The following KRT8 variants were observed in gnomAD, a reference collection of about 807,000 sequenced individuals.
The protein encoded by KRT8 is keratin 8, also known as keratin, type II cytoskeletal 8.
Under a neutral mutation model 43.0 loss-of-function variants are expected in KRT8, and 24 were observed. That is an observed-to-expected ratio of 0.56 (90% CI 0.40 to 0.78). KRT8 has a LOEUF of 0.78. KRT8 is among the 30% of genes least tolerant of loss of function. The pLI is 0.00. For missense variants in KRT8, 492 were observed against 638.4 expected (o/e 0.77, Z 2.47); for synonymous variants, 214 against 261.2 (o/e 0.82, Z 1.74).
At chr12:52,902,303 G>A in intron 1 of KRT8, 1 of 567,394 alleles carries the variant, frequency 1.8e-6, no homozygotes, top group Admixed American at 3.0e-5. Flanking sequence ...AAGGAGACAG[G>A]TAAGGTAATT....
At chr12:52,941,768 G>A (rs559316185) in intron 2 of KRT8, among the ~76,000 whole-genome samples, 32 of 152,174 alleles carry the variant, frequency 2.1e-4, no homozygotes, top group Non-Finnish European at 4.1e-4. Flanking sequence ...GATTACAGGT[G>A]TGAGCCACCG....
chr12:52,926,367 T>A, intron 2 of KRT8: 1 of 648,556 alleles, frequency 1.5e-6, no homozygotes, highest in Non-Finnish European at 2.3e-6. Context: ...TGTGCCCTCC[T>A]CTCCTGAAGC....
At chr12:52,933,199 G>A (rs1452531935) in intron 2 of KRT8, among the ~76,000 whole-genome samples, 1 of 152,128 alleles carries the variant, frequency 6.6e-6, no homozygotes, top group African/African-American at 2.4e-5. Context: ...GCCCACCTCA[G>A]CCTCCCAGAG....
intron 2 of KRT8, among the ~76,000 whole-genome samples, chr12:52,934,739 T>TAGGC (rs1565731649): frequency 6.6e-6 from 1 of 150,442 alleles, no homozygotes; most frequent in Non-Finnish European, 1.5e-5. Flanking sequence ...GAAGCCAAGG[T>TAGGC]AGGCAGATCA....
chr12:52,939,224 G>C (rs1942227956), intron 2 of KRT8, among the ~76,000 whole-genome samples: 1 of 152,132 alleles, frequency 6.6e-6, no homozygotes, highest in African/African-American at 2.4e-5. Context: ...GAATAAACTT[G>C]GCCAGGCATG....
Position 52,897,391 on chromosome 12 carries a change from G to A in KRT8, c.*37C>T, listed in dbSNP as rs377432334. 154 of 1,563,236 alleles carry A rather than the reference G, an allele frequency of 9.9e-5. 2 individuals carry two copies. The highest frequency in any genetic ancestry group is 9.3e-4 in the South Asian group (84 of 90,352). On this transcript the variant is annotated 3_prime_UTR_variant, in exon 8 of 8. Transcript: ENST00000692008. ...CCTCCTTCCCAGGCTCTGGGGCAGC[G>A]CAGGAGGGGTAGGCTGGGAGGGGCT...
upstream of KRT8, chr12:52,906,726 C>A (rs568405628): frequency 4.4e-6 from 2 of 455,886 alleles, no homozygotes; most frequent in Admixed American, 2.3e-5. Context: ...CTCAGAGGAC[C>A]AACAGATGAC....
At chr12:52,917,739 C>T (rs925109293) in intron 2 of KRT8, among the ~76,000 whole-genome samples, 34 of 146,270 alleles carry the variant, frequency 2.3e-4, no homozygotes, top group East Asian at 4.1e-4. Flanking sequence ...ATTCGCCAGG[C>T]GTTGTGGCAG....
At chr12:52,927,610 C>G (rs897366177) in intron 2 of KRT8, among the ~76,000 whole-genome samples, 4 of 152,232 alleles carry the variant, frequency 2.6e-5, no homozygotes, top group Admixed American at 2.0e-4. Flanking sequence ...CCACACCATG[C>G]CAGCCAGGCC....
intron 2 of KRT8, chr12:52,949,184 C>G (rs76301931): frequency 8.0e-7 from 1 of 1,248,582 alleles, no homozygotes; most frequent in South Asian, 1.3e-5. Context: ...ATGAGCTTCA[C>G]CACTCGCTCC....
chr12:52,904,362 G>C (rs1165225377), intron 1 of KRT8, among the ~76,000 whole-genome samples: 7 of 152,178 alleles, frequency 4.6e-5, no homozygotes, highest in African/African-American at 1.7e-4. Flanking sequence ...TGTAGAGAGG[G>C]GTGGTGGGAA....
At chr12:52,930,266 G>A (rs537512961) in intron 2 of KRT8, among the ~76,000 whole-genome samples, 50 of 151,576 alleles carry the variant, frequency 3.3e-4, no homozygotes, top group Non-Finnish European at 6.0e-4. Context: ...TGCCCAGGCT[G>A]GAGTGCAATA....
intron 4 of KRT8, 144 bp from the exon 5 acceptor site, chr12:52,900,209 T>C (rs956290565): frequency 5.2e-6 from 4 of 774,792 alleles, no homozygotes; most frequent in Non-Finnish European, 8.2e-6. Flanking sequence ...AGGGCAAAGT[T>C]CCTGAAAAAG....
upstream of KRT8, among the ~76,000 whole-genome samples, chr12:52,905,723 A>G (rs577049054): frequency 0.018 from 2,608 of 142,586 alleles, 50 homozygotes; most frequent in African/African-American, 0.049. Flanking sequence ...TCACACGCGC[A>G]CACACACACA....
intron 2 of KRT8, among the ~76,000 whole-genome samples, chr12:52,940,710 C>T (rs1286928337): frequency 6.6e-6 from 1 of 150,964 alleles, no homozygotes; most frequent in Non-Finnish European, 1.5e-5. Context: ...ACTGCAACCT[C>T]CTCCTCCCAG....
chr12:52,935,304 A>G (rs141785230), intron 2 of KRT8, among the ~76,000 whole-genome samples: 3,674 of 143,086 alleles, frequency 0.026, 68 homozygotes, highest in Non-Finnish European at 0.034. Flanking sequence ...GCTTGAACCC[A>G]GGAGGCATAG....
chr12:52,947,207 G>A (rs934678457), intron 2 of KRT8: 1 of 152,286 alleles, frequency 6.6e-6, no homozygotes, highest in East Asian at 1.9e-4. Context: ...TTCAGCTTCA[G>A]GGGGCAGGCA....
chr12:52,943,626 C>T (rs1450762110), intron 2 of KRT8, among the ~76,000 whole-genome samples: 3 of 152,224 alleles, frequency 2.0e-5, no homozygotes, highest in Admixed American at 6.5e-5. Flanking sequence ...TTGCACGTGG[C>T]CGTGCAGGGT....
chr12:52,949,732 C>A (rs995656813), exon 1 of KRT8: 1 of 777,182 alleles, frequency 1.3e-6, no homozygotes, highest in Non-Finnish European at 2.3e-6. Context: ...TCCATCCGCG[C>A]ACCTAGCCAC....
Sources: gnomAD v4.1 joint callset for allele counts (sites outside exome capture counted in the v4.1 genomes callset) on GRCh38, gnomAD v4.1.1 for gene constraint, MANE v1.5 for transcripts, NCBI Gene and HGNC (gene_info 2026-07-23, HGNC 2026-07-21) for gene names.